The following PELP1 variants were observed in gnomAD, a reference collection of about 807,000 sequenced individuals.
PELP1 encodes the protein proline, glutamate and leucine rich protein 1, also known as proline-, glutamic acid- and leucine-rich protein 1.
In PELP1, 32 loss-of-function variants were observed where a neutral mutation model predicts 95.5. That is an observed-to-expected ratio of 0.34 (90% CI 0.25 to 0.45). PELP1 has a LOEUF of 0.45. Ranked by LOEUF, PELP1 falls within the 20% of genes least tolerant of loss-of-function variation. PELP1 has a pLI of 1.00. For missense variants in PELP1, 1,358 were observed against 1,444.8 expected (o/e 0.94, Z 0.97); for synonymous variants, 668 against 600.1 (o/e 1.11, Z -1.65).
intron 6 of PELP1, 82 bp downstream of exon 6, chr17:4,676,671 G>C: frequency 7.1e-7 from 1 of 1,406,068 alleles, no homozygotes; most frequent in South Asian, 1.2e-5. Context: ...ATGAAGGCAG[G>C]ACAGAAAAGC....
At chr17:4,681,164 C>T (rs1471068587) in intron 5 of PELP1, among the ~76,000 whole-genome samples, 4 of 152,110 alleles carry the variant, frequency 2.6e-5, no homozygotes, top group Admixed American at 6.5e-5. Flanking sequence ...AAAGCATTCC[C>T]AGAGAAAATT....
In PELP1 at chr17:4,671,355, C is replaced by A; in HGVS notation, c.*84G>T. ...GACACTTGAGCTTCTGGCTGGGGACCCAGGTGTGGCAAAAGGCAGAAGCAG... is the reference window on the plus strand; with the variant it reads ...GACACTTGAGCTTCTGGCTGGGGACACAGGTGTGGCAAAAGGCAGAAGCAG... On this transcript the variant is annotated 3_prime_UTR_variant, in exon 17 of 17. Transcript: ENST00000572293. 1.3e-6 allele frequency: 1 copy of A among 796,722 alleles called. No homozygotes were observed. The highest frequency in any genetic ancestry group is 1.4e-5 in the South Asian group (1 of 70,396). 49.4% of individuals were successfully genotyped at this position (796,722 alleles called of 1,614,324 possible).
intron 1 of PELP1, among the ~76,000 whole-genome samples, chr17:4,701,404 G>A (rs1185164029): frequency 6.6e-6 from 1 of 152,144 alleles, no homozygotes; most frequent in Non-Finnish European, 1.5e-5. Flanking sequence ...ACACCCAGAG[G>A]CTGAAGGATT....
At chr17:4,691,557 T>C in intron 1 of PELP1, 115 bp from the exon 2 acceptor site, 1 of 752,270 alleles carries the variant, frequency 1.3e-6, no homozygotes, top group South Asian at 1.7e-5. Flanking sequence ...TCACATCTCC[T>C]CTGAGGCCAA....
Position 4,671,296 on chromosome 17 carries a change from G to A in PELP1, c.*143C>T. The A allele has an allele frequency of 1.6e-6, 1 of 639,960 alleles. No individual in the cohort carries two copies. Among genetic ancestry groups the A allele is most frequent in the Non-Finnish European group, 2.8e-6 (1 of 354,218 alleles). 39.6% of individuals were successfully genotyped at this position (639,960 alleles called of 1,614,324 possible). A position where few individuals can be genotyped will look rare whatever the true frequency, so the allele number is the denominator to read the frequency against. On this transcript the variant is annotated 3_prime_UTR_variant, in exon 17 of 17. Transcript: ENST00000572293. Reference sequence around the variant, plus strand: ...AAAGAGGACAGCTATGGAGACATCTGGGGAATACTATGGACACCCTGAAAA... The same window carrying A: ...AAAGAGGACAGCTATGGAGACATCTAGGGAATACTATGGACACCCTGAAAA...
intron 1 of PELP1, among the ~76,000 whole-genome samples, chr17:4,694,197 T>C (rs148756720): frequency 1.2e-4 from 19 of 152,218 alleles, no homozygotes; most frequent in African/African-American, 3.1e-4. Context: ...ACTGTTTGCC[T>C]AAAGCTGGAG....
intron 13 of PELP1, among the ~76,000 whole-genome samples, chr17:4,674,124 G>C (rs1187956241): frequency 6.6e-6 from 1 of 152,236 alleles, no homozygotes; most frequent in Non-Finnish European, 1.5e-5. Context: ...TTCCCCGCAT[G>C]CTGGAACTCT....
At position 4,675,567 on chromosome 17, in the gene PELP1, T is replaced by C; in HGVS notation, c.1069-205A>G. On this transcript the variant is annotated intron_variant, in intron 9 of 16. Coordinates refer to ENST00000572293, the MANE Select transcript of PELP1 (RefSeq NM_014389.3). The surrounding 1 kb of genome is among the most constrained non-coding windows in gnomAD (Gnocchi z 4.3). ...GAAGGATGGCTGGGCCTCTCAGCAA[T>C]GACTCAGCTGATCCCCAAATTCACC... 2.8e-6 allele frequency: 2 copies of C among 706,984 alleles called. No homozygotes were observed. The highest frequency in any genetic ancestry group is 5.4e-5 in the East Asian group (2 of 37,216). 43.8% of individuals were successfully genotyped at this position (706,984 alleles called of 1,614,324 possible). A position where few individuals can be genotyped will look rare whatever the true frequency, so the allele number is the denominator to read the frequency against.
Position 4,675,572 on chromosome 17 carries a change from CA to C in PELP1, c.1069-211del. ...ATGGCTGGGCCTCTCAGCAATGACT[CA>C]GCTGATCCCCAAATTCACCCTCCCC... On this transcript the variant is annotated intron_variant, in intron 9 of 16. Transcript: ENST00000572293. The surrounding 1 kb of genome is among the most constrained non-coding windows in gnomAD (Gnocchi z 4.3). 1.4e-6 allele frequency: 1 copy of C among 707,330 alleles called. No individual in the cohort carries two copies. The highest frequency in any genetic ancestry group is 2.6e-6 in the Non-Finnish European group (1 of 388,204). The allele number at this position is 707,330 out of a possible 1,614,324, so 43.8% of individuals were successfully genotyped here.
intron 3 of PELP1, among the ~76,000 whole-genome samples, chr17:4,687,009 A>C (rs953350812): frequency 6.6e-6 from 1 of 152,172 alleles, no homozygotes; most frequent in African/African-American, 2.4e-5. Flanking sequence ...GGAATTCTTC[A>C]AACAGGCCAT....
At chr17:4,697,615 T>C (rs1913345786) in intron 1 of PELP1, among the ~76,000 whole-genome samples, 1 of 152,168 alleles carries the variant, frequency 6.6e-6, no homozygotes, top group African/African-American at 2.4e-5. Context: ...CTGTATCAAA[T>C]GGTAGCGATA....
At chr17:4,696,675 T>C (rs1913309440) in intron 1 of PELP1, 1 of 152,128 alleles carries the variant, frequency 6.6e-6, no homozygotes, top group Non-Finnish European at 1.5e-5. Context: ...AGGTAGAAGG[T>C]TACTGTAATA....
chr17:4,698,471 A>G (rs1447030770), intron 1 of PELP1, among the ~76,000 whole-genome samples: 2 of 18,680 alleles, frequency 1.1e-4, no homozygotes, highest in Non-Finnish European at 1.9e-4. Flanking sequence ...CATCGCTACT[A>G]AAAAAAAAAA....
Position 4,673,724 on chromosome 17 carries a change from G to A in PELP1, c.1583-50C>T. On this transcript the variant is annotated intron_variant, in intron 13 of 16. Transcript: ENST00000572293. The surrounding 1 kb of genome is among the most constrained non-coding windows in gnomAD (Gnocchi z 5.7). Reference sequence around the variant, plus strand: ...AGGGTAGGCTCCCAACAGACTGACGGCAAGGGCTTCTGAAGCATACAGCCC... The same window carrying A: ...AGGGTAGGCTCCCAACAGACTGACGACAAGGGCTTCTGAAGCATACAGCCC... 1 of 1,535,574 alleles carries A rather than the reference G, an allele frequency of 6.5e-7. No individual in the cohort carries two copies. Among genetic ancestry groups the A allele is most frequent in the Non-Finnish European group, 9.0e-7 (1 of 1,108,450 alleles).
intron 1 of PELP1, chr17:4,691,750 C>T: frequency 2.8e-6 from 1 of 361,044 alleles, no homozygotes; most frequent in South Asian, 4.0e-5. Context: ...TCTGCTTCAC[C>T]TCTATATGTC....
intron 5 of PELP1, among the ~76,000 whole-genome samples, chr17:4,679,415 C>A (rs1317630373): frequency 2.4e-4 from 37 of 152,140 alleles, no homozygotes; most frequent in Admixed American, 2.4e-3. Context: ...TGACTACTCA[C>A]ACTGAAAATA....
chr17:4,679,881 C>T (rs915221313), intron 5 of PELP1, among the ~76,000 whole-genome samples: 2 of 152,180 alleles, frequency 1.3e-5, no homozygotes, highest in Non-Finnish European at 2.9e-5. Flanking sequence ...TCTGCTCAGG[C>T]ACTTTTCAGA....
intron 3 of PELP1, among the ~76,000 whole-genome samples, chr17:4,685,799 A>AAAAAAAAAAAAG (rs150717757): frequency 7.0e-6 from 1 of 143,486 alleles, no homozygotes. Context: ...TCTTAAAAAA[A>AAAAAAAAAAAAG]AAAGAACAAA....
chr17:4,691,362 A>G lies in PELP1; in HGVS notation c.314+16T>C. Reference sequence around the variant, plus strand: ...GGGAACACGCCCCTGGAGAAAAAAAAGGGCCAAAGACTTACCGAGTTTTGA... The same window carrying G: ...GGGAACACGCCCCTGGAGAAAAAAAGGGGCCAAAGACTTACCGAGTTTTGA... On this transcript the variant is annotated intron_variant, in intron 2 of 16. Transcript: ENST00000572293. The G allele has an allele frequency of 6.2e-7, 1 of 1,600,346 alleles. No individual in the cohort carries two copies. Among genetic ancestry groups the G allele is most frequent in the Non-Finnish European group, 8.6e-7 (1 of 1,168,052 alleles).
Sources: allele counts gnomAD v4.1 joint callset (sites outside exome capture counted in the v4.1 genomes callset), GRCh38; gene constraint gnomAD v4.1.1; non-coding constraint Gnocchi (gnomAD v3.1); transcripts MANE v1.5; gene names NCBI Gene and HGNC (gene_info 2026-07-23, HGNC 2026-07-21).